Variants in KATNBL1 observed in about 807,000 individuals in gnomAD.
KATNBL1 encodes the protein KATNB1-like protein 1.
In KATNBL1, 28 loss-of-function variants were observed where a neutral mutation model predicts 44.7. The ratio of observed to expected loss-of-function variants is 0.63; its 90% CI spans 0.46 to 0.86. KATNBL1 has a LOEUF of 0.86. KATNBL1 is among the 40% of genes least tolerant of loss of function. KATNBL1 has a pLI of 0.00. For missense variants in KATNBL1, 272 were observed against 350.7 expected, an observed-to-expected ratio of 0.78 and a Z score of 1.79; for synonymous variants, 78 against 114.9, an observed-to-expected ratio of 0.68 and a Z score of 2.06.
At chr15:34,199,225 T>C (rs910345765) in intron 1 of KATNBL1, among the ~76,000 whole-genome samples, 5 of 152,160 alleles carry the variant, frequency 3.3e-5, no homozygotes, top group Admixed American at 2.0e-4. Context: ...GATCACGAGG[T>C]CAGGGGTTTG....
Position 34,202,557 on chromosome 15 carries a change from A to G in KATNBL1, c.-15+7394T>C, listed in dbSNP as rs1287528143. 3.9e-5 allele frequency among the ~76,000 whole-genome samples: 6 copies of G among 152,222 alleles called. No homozygotes were observed. In the East Asian group the frequency reaches 7.7e-4, roughly 19 times the overall value. ...ATCTCCTAGGCTGAAATCAGAACGTATATTAAGGTTTGAAAATGCCTCCTC... is the reference window on the plus strand; with the variant it reads ...ATCTCCTAGGCTGAAATCAGAACGTGTATTAAGGTTTGAAAATGCCTCCTC... On this transcript the variant is annotated intron_variant, in intron 1 of 9. Transcript: ENST00000256544.
At chr15:34,153,181 A>C in intron 3 of KATNBL1, 112 bp from the exon 4 acceptor site, 1 of 607,586 alleles carries the variant, frequency 1.6e-6, no homozygotes, top group South Asian at 3.3e-5. Context: ...CACTAAAATT[A>C]GAAATAAATA....
At chr15:34,152,708 C>T in intron 4 of KATNBL1, 82 bp downstream of exon 4, 1 of 1,113,984 alleles carries the variant, frequency 9.0e-7, no homozygotes, top group Non-Finnish European at 1.3e-6. Context: ...AATTATTCTG[C>T]TAGTGGAATA....
chr15:34,143,045 A>G (rs1245597138), intron 9 of KATNBL1: 3 of 1,259,502 alleles, frequency 2.4e-6, no homozygotes, highest in Non-Finnish European at 3.1e-6. Context: ...AAAATTACAA[A>G]TTAATTGATG....
At chr15:34,188,284 G>GGTGGC (rs1889780140) in intron 1 of KATNBL1, among the ~76,000 whole-genome samples, 1 of 151,776 alleles carries the variant, frequency 6.6e-6, no homozygotes, top group Admixed American at 6.6e-5. Flanking sequence ...AGCTGGGTGT[G>GGTGGC]GTGGCTCACA....
At chr15:34,191,992 T>G (rs1889887835) in intron 1 of KATNBL1, among the ~76,000 whole-genome samples, 1 of 148,534 alleles carries the variant, frequency 6.7e-6, no homozygotes, top group African/African-American at 2.5e-5. Flanking sequence ...ACAGATAAAA[T>G]GAGATTACAT....
intron 7 of KATNBL1, 24 bp downstream of exon 7, chr15:34,147,176 A>G (rs368534152): frequency 7.0e-7 from 1 of 1,427,978 alleles, no homozygotes; most frequent in Non-Finnish European, 9.8e-7. Flanking sequence ...AGAAAAATGA[A>G]TCAAGATTCA....
At chr15:34,203,048 A>G (rs898914039) in intron 1 of KATNBL1, among the ~76,000 whole-genome samples, 3 of 152,152 alleles carry the variant, frequency 2.0e-5, no homozygotes, top group Non-Finnish European at 1.5e-5. Flanking sequence ...TAAACTCTGG[A>G]TTCAAATCTC....
rs563644674 is a variant in KATNBL1, at chr15:34,174,787, G to A, written c.-14-11097C>T. Among the ~76,000 whole-genome samples the A allele has an allele frequency of 6.6e-5, 10 of 151,896 alleles. No homozygotes were observed. The South Asian group carries it at 2.1e-3, about 32-fold the overall frequency. On this transcript the variant is annotated intron_variant, in intron 1 of 9. Transcript: ENST00000256544. ...CTCCTGCCTGGATGGGACTATAGGTGCCTGCCATCACACCCAGCTAATTTT... is the reference window on the plus strand; with the variant it reads ...CTCCTGCCTGGATGGGACTATAGGTACCTGCCATCACACCCAGCTAATTTT...
At chr15:34,199,038 T>A (rs748585994) in intron 1 of KATNBL1, among the ~76,000 whole-genome samples, 3 of 152,098 alleles carry the variant, frequency 2.0e-5, no homozygotes, top group Non-Finnish European at 4.4e-5. Context: ...CAAAGAGAAA[T>A]AGAGACAAAT....
chr15:34,150,427 C>T (rs1433749715), intron 4 of KATNBL1, among the ~76,000 whole-genome samples: 17 of 152,090 alleles, frequency 1.1e-4, no homozygotes, highest in Non-Finnish European at 2.9e-5. Context: ...AACCCTGTCG[C>T]TATAGGAAAT....
At chr15:34,146,915 A>T in intron 7 of KATNBL1, 65 bp from the exon 8 acceptor site, 1 of 1,025,432 alleles carries the variant, frequency 9.8e-7, no homozygotes, top group African/African-American at 1.6e-5. Context: ...ATAAAAGATG[A>T]TACTTTCCCT....
chr15:34,195,693 A>AAAAAAAAAAAAAAAAAAAAAAC (rs1359933138), intron 1 of KATNBL1, among the ~76,000 whole-genome samples: 16 of 150,238 alleles, frequency 1.1e-4, no homozygotes, highest in African/African-American at 3.7e-4. Flanking sequence ...GCCATCTCAA[A>AAAAAAAAAAAAAAAAAAAAAAC]AAAAAAAAAA....
chr15:34,178,712 T>A (rs552814241), intron 1 of KATNBL1, among the ~76,000 whole-genome samples: 1 of 138,112 alleles, frequency 7.2e-6, no homozygotes, highest in African/African-American at 2.8e-5. Flanking sequence ...GCTGAGATCG[T>A]GCCACTGCAC....
chr15:34,142,326 T>C lies in KATNBL1; in HGVS notation c.*13A>G. 4 of 1,590,692 alleles carry C rather than the reference T, an allele frequency of 2.5e-6. No individual in the cohort carries two copies. The highest frequency in any genetic ancestry group is 2.6e-6 in the Non-Finnish European group (3 of 1,170,200). On this transcript the variant is annotated 3_prime_UTR_variant, in exon 10 of 10. Coordinates refer to ENST00000256544, the MANE Select transcript of KATNBL1 (RefSeq NM_024713.3). Reference sequence around the variant, plus strand: ...TTTTGAAAAACCAAATGCTCTTTAGTAGATGAAATCTCTCAATGTAACTGT... The same window carrying C: ...TTTTGAAAAACCAAATGCTCTTTAGCAGATGAAATCTCTCAATGTAACTGT...
intron 1 of KATNBL1, among the ~76,000 whole-genome samples, chr15:34,170,595 T>G (rs1235989219): frequency 6.6e-6 from 1 of 152,110 alleles, no homozygotes; most frequent in Non-Finnish European, 1.5e-5. Context: ...TACTTTAAAG[T>G]TCATATGGAA....
intron 8 of KATNBL1, chr15:34,146,348 A>G (rs1888309773): frequency 6.5e-6 from 1 of 154,096 alleles, no homozygotes; most frequent in Non-Finnish European, 1.4e-5. Flanking sequence ...TTTTCACATC[A>G]AGGCAGTAAT....
intron 4 of KATNBL1, 54 bp downstream of exon 4, chr15:34,152,736 A>T: frequency 7.0e-7 from 1 of 1,425,690 alleles, no homozygotes; most frequent in Non-Finnish European, 9.6e-7. Context: ...GAAAAAAATC[A>T]AGATTATAAC....
intron 2 of KATNBL1, among the ~76,000 whole-genome samples, 176 bp downstream of exon 2, chr15:34,163,384 A>C (rs980730740): frequency 3.9e-5 from 6 of 152,354 alleles, no homozygotes; most frequent in Admixed American, 3.9e-4. Context: ...TAAAATGGTT[A>C]AGACCTAACA....
Sources: gnomAD v4.1 joint callset for allele counts (sites outside exome capture counted in the v4.1 genomes callset) on GRCh38, gnomAD v4.1.1 for gene constraint, MANE v1.5 for transcripts, NCBI Gene and HGNC (gene_info 2026-07-23, HGNC 2026-07-21) for gene names.